The following DNAJC15 variants were observed in gnomAD, a reference collection of about 807,000 sequenced individuals.
DNAJC15 encodes DnaJ heat shock protein family (Hsp40) member C15.
A neutral mutation model predicts 22.4 loss-of-function variants in DNAJC15; 27 were observed. That is an observed-to-expected ratio of 1.20 (90% CI 0.89 to 1.66). The LOEUF (loss-of-function observed/expected upper bound fraction) is 1.66, where lower values mean the gene tolerates loss of function less well. DNAJC15 is among the 40% of genes most tolerant of loss of function. The pLI, the probability that DNAJC15 is intolerant of heterozygous loss-of-function variation, is 0.00. For synonymous variants in DNAJC15, 79 were observed against 63.2 expected (o/e 1.25, Z -1.19); for missense variants, 208 against 187.1 (o/e 1.11, Z -0.65).
At chr13:43,041,273 G>A (rs1219928368) in intron 1 of DNAJC15, among the ~76,000 whole-genome samples, 5 of 152,120 alleles carry the variant, frequency 3.3e-5, no homozygotes, top group African/African-American at 1.2e-4. Context: ...CTGCCTTCAA[G>A]CATTTGCCTT....
intron 1 of DNAJC15, among the ~76,000 whole-genome samples, chr13:43,027,953 G>A (rs115264268): frequency 0.025 from 3,765 of 152,168 alleles, 139 homozygotes; most frequent in African/African-American, 0.082. Flanking sequence ...CACCGCACCC[G>A]GCCTAACTGA....
chr13:43,093,194 C>T (rs901926546), intron 5 of DNAJC15, among the ~76,000 whole-genome samples: 1 of 151,904 alleles, frequency 6.6e-6, no homozygotes, highest in African/African-American at 2.4e-5. Context: ...TTTCCATCTT[C>T]CCTCTGTTTT....
At chr13:43,049,090 A>G (rs985316527) in intron 1 of DNAJC15, among the ~76,000 whole-genome samples, 3 of 152,148 alleles carry the variant, frequency 2.0e-5, no homozygotes, top group Non-Finnish European at 4.4e-5. Flanking sequence ...TTTTTAAATC[A>G]TACTTCCTGA....
At chr13:43,047,824 A>C (rs2040484983) in intron 1 of DNAJC15, among the ~76,000 whole-genome samples, 1 of 152,212 alleles carries the variant, frequency 6.6e-6, no homozygotes, top group Admixed American at 6.5e-5. Flanking sequence ...AGTACGAGCC[A>C]TGAGGAATGG....
At chr13:43,039,895 T>G (rs1383778977) in intron 1 of DNAJC15, among the ~76,000 whole-genome samples, 1 of 152,128 alleles carries the variant, frequency 6.6e-6, no homozygotes, top group East Asian at 1.9e-4. Context: ...GGCGTGTACC[T>G]GTAGTCCCAT....
At chr13:43,055,504 C>T (rs2040526210) in intron 1 of DNAJC15, among the ~76,000 whole-genome samples, 1 of 152,130 alleles carries the variant, frequency 6.6e-6, no homozygotes, top group African/African-American at 2.4e-5. Flanking sequence ...AGTGTGTGTT[C>T]GCGACCTCCG....
At chr13:43,072,890 G>A (rs2040615614) in intron 3 of DNAJC15, among the ~76,000 whole-genome samples, 1 of 152,096 alleles carries the variant, frequency 6.6e-6, no homozygotes, top group Non-Finnish European at 1.5e-5. Context: ...TAACTTCCAA[G>A]GATTCTTTCT....
intron 3 of DNAJC15, among the ~76,000 whole-genome samples, chr13:43,076,044 T>G (rs2040632720): frequency 6.6e-6 from 1 of 152,218 alleles, no homozygotes; most frequent in South Asian, 2.1e-4. Flanking sequence ...TATGTATGTT[T>G]AGAAAGATAT....
chr13:43,031,713 T>C (rs2040404819), intron 1 of DNAJC15, among the ~76,000 whole-genome samples: 1 of 152,224 alleles, frequency 6.6e-6, no homozygotes, highest in African/African-American at 2.4e-5. Flanking sequence ...AAATTGAGGC[T>C]TAAAGCACTG....
chr13:43,093,280 A>G (rs961672099), intron 5 of DNAJC15, among the ~76,000 whole-genome samples: 2 of 152,150 alleles, frequency 1.3e-5, no homozygotes, highest in East Asian at 1.9e-4. Flanking sequence ...TGAATGCCAT[A>G]CATTTTGTAT....
chr13:43,063,357 T>C (rs984748866), intron 1 of DNAJC15, among the ~76,000 whole-genome samples: 1 of 152,238 alleles, frequency 6.6e-6, no homozygotes. Context: ...TTGTTTGACA[T>C]GTCCCAGGTC....
At chr13:43,083,416 C>A (rs959554793) in intron 4 of DNAJC15, among the ~76,000 whole-genome samples, 1 of 152,164 alleles carries the variant, frequency 6.6e-6, no homozygotes, top group Non-Finnish European at 1.5e-5. Flanking sequence ...ATCTGCCCGC[C>A]TCAGCCTCCC....
intron 1 of DNAJC15, among the ~76,000 whole-genome samples, chr13:43,048,251 A>G (rs1433364413): frequency 6.6e-6 from 1 of 151,726 alleles, no homozygotes; most frequent in Non-Finnish European, 1.5e-5. Flanking sequence ...AGGCCAAGGC[A>G]GGTGGATCAC....
At chr13:43,086,642 G>T (rs879051) in intron 5 of DNAJC15, among the ~76,000 whole-genome samples, 32,294 of 151,766 alleles carry the variant, frequency 0.21, 3,585 homozygotes, top group South Asian at 0.38. Context: ...AGTTTTTTTC[G>T]CTAAGCATCA....
rs190325757 is a variant in DNAJC15 at position 43,090,334 on chromosome 13, C to G, written c.382+4496C>G. 5.9e-5 allele frequency among the ~76,000 whole-genome samples: 9 copies of G among 152,236 alleles called. No homozygotes were observed. The South Asian group carries it at 1.9e-3, about 31-fold the overall frequency. ...GCTGCTTGTGATCAGCTGAAACTAT[C>G]TGTTTGTTATACTTCTAAGTTGGGT... On this transcript the variant is annotated intron_variant, in intron 5 of 5. Coordinates refer to ENST00000379221, the MANE Select transcript of DNAJC15 (RefSeq NM_013238.3).
At chr13:43,098,694 C>A (rs774932811) in intron 5 of DNAJC15, among the ~76,000 whole-genome samples, 71 of 152,142 alleles carry the variant, frequency 4.7e-4, no homozygotes, top group Non-Finnish European at 8.8e-4. Context: ...GGAAGAAACC[C>A]CTTTAGCTAT....
chr13:43,079,195 T>TA (rs998610262), intron 4 of DNAJC15, among the ~76,000 whole-genome samples: 5 of 152,128 alleles, frequency 3.3e-5, no homozygotes, highest in Non-Finnish European at 7.4e-5. Flanking sequence ...ATTTAACATT[T>TA]AATGTTAAGA....
At position 43,110,439 on chromosome 13, in the gene DNAJC15, A is replaced by G. The variant is rs2040819219; in HGVS notation, c.*3191A>G. ...GAAGGAATCAGTGCTCATCTTTAAT[A>G]TGCAGCAGGACAGGTTTGGGATTTT... On this transcript the variant is annotated 3_prime_UTR_variant, in exon 6 of 6. Coordinates refer to ENST00000379221, the MANE Select transcript of DNAJC15 (RefSeq NM_013238.3). 6.6e-6 allele frequency: 1 copy of G among 152,240 alleles called. No individual in the cohort carries two copies. The highest frequency in any genetic ancestry group is 2.1e-4 in the South Asian group (1 of 4,830). The allele number at this position is 152,240 out of a possible 1,614,324, so 9.4% of individuals were successfully genotyped here.
intron 4 of DNAJC15, among the ~76,000 whole-genome samples, chr13:43,079,173 C>G (rs1487392351): frequency 6.6e-6 from 1 of 152,024 alleles, no homozygotes; most frequent in Non-Finnish European, 1.5e-5. Flanking sequence ...TATATAATTG[C>G]TGTGTGATAT....
Sources: gnomAD v4.1 joint callset for allele counts (sites outside exome capture counted in the v4.1 genomes callset) on GRCh38, gnomAD v4.1.1 for gene constraint, MANE v1.5 for transcripts, NCBI Gene and HGNC (gene_info 2026-07-23, HGNC 2026-07-21) for gene names.